The following KDM6B variants were observed in gnomAD, a reference collection of about 807,000 sequenced individuals.
KDM6B encodes the protein lysine demethylase 6B, also known as lysine-specific demethylase 6B.
A neutral mutation model predicts 150.4 loss-of-function variants in KDM6B; 22 were observed. The observed-to-expected ratio is 0.15, with a 90% CI of 0.10 to 0.21. The LOEUF (loss-of-function observed/expected upper bound fraction) is 0.21. KDM6B is among the 10% of genes least tolerant of loss of function. The pLI, the probability that KDM6B is intolerant of heterozygous loss-of-function variation, is 1.00. For missense variants in KDM6B, 1,984 were observed against 2,234.3 expected (o/e 0.89, Z 2.26); for synonymous variants, 1,148 against 921.1 (o/e 1.25, Z -4.46).
chr17:7,849,961 T>A lies in KDM6B; in HGVS notation c.3567+14T>A. 1 of 1,613,628 alleles carries A rather than the reference T, an allele frequency of 6.2e-7. No individual in the cohort carries two copies. Among genetic ancestry groups the A allele is most frequent in the East Asian group, 2.2e-5 (1 of 44,878 alleles). On this transcript the variant is annotated intron_variant, in intron 13 of 23. Transcript: ENST00000448097. ...CCCAGCATCTATGTATGTGTGCCAC[T>A]TGGCCTCAGAACCACCCCTGCCAGA...
In KDM6B at chr17:7,848,397, C is replaced by T. The variant is rs150025430; in HGVS notation, c.2109C>T (p.Asp703=). 163 of 1,613,030 alleles carry T rather than the reference C, an allele frequency of 1.0e-4. 2 individuals carry two copies. In the African/African-American group the frequency reaches 1.5e-3, roughly 15 times the overall value. ...TGGCCAACATCATGAAGATGCTGGA[C>T]GAATCCATTCGCAAGGAAGAGGAAC... The part of the protein sequence containing the change: ...DGLANIMKML[D]ESIRKEEEQQ... The change falls in exon 12 of 24, where the codon GAC becomes GAT. Residue 703 remains aspartate, a synonymous_variant. Coordinates refer to ENST00000448097, the MANE Select transcript of KDM6B (RefSeq NM_001348716.2).
rs996663259 is a variant in KDM6B, at chr17:7,849,151, C to G, written c.2863C>G (p.Pro955Ala). 2.5e-6 allele frequency: 4 copies of G among 1,611,662 alleles called. No homozygotes were observed. Among genetic ancestry groups the G allele is most frequent in the Admixed American group, 1.7e-5 (1 of 59,928 alleles). ...CAGTGGGACTGAGCGACTGCTGCCCCCCGCACAGGCCAAGGAGGAGGCTGG... is the reference window on the plus strand; with the variant it reads ...CAGTGGGACTGAGCGACTGCTGCCCGCCGCACAGGCCAAGGAGGAGGCTGG... ...ADSGTERLLPPAQAKEEAGGV... is the reference protein window; with the variant it reads ...ADSGTERLLPAAQAKEEAGGV... The change falls in exon 12 of 24, where the codon CCC becomes GCC. Residue 955 changes from proline to alanine, a missense_variant. Pro to Ala is a conservative substitution (Grantham distance 27). Transcript: ENST00000448097.
At chr17:7,837,405 C>A (rs1369786062) in intron 1 of KDM6B, among the ~76,000 whole-genome samples, 1 of 152,130 alleles carries the variant, frequency 6.6e-6, no homozygotes, top group African/African-American at 2.4e-5. Context: ...AAGTCAGGGT[C>A]TTTATTGTGT....
Position 7,847,584 on chromosome 17 carries a change from C to G in KDM6B, c.1296C>G (p.Val432=), listed in dbSNP as rs767245338. 3.1e-6 allele frequency: 5 copies of G among 1,612,970 alleles called. No homozygotes were observed. The highest frequency in any genetic ancestry group is 2.7e-5 in the African/African-American group (2 of 74,928). The change falls in exon 12 of 24, where the codon GTC becomes GTG. Residue 432 remains valine, a synonymous_variant. Transcript: ENST00000448097. ...ATTACCAAACTCCCGCGCTGGAGGT[C>G]TCTCACCATGGCCGCCTGGGGCCCT... The part of the protein sequence containing the change: ...ADHYQTPALE[V]SHHGRLGPSA...
Position 7,843,338 on chromosome 17 carries a change from G to T in KDM6B, c.-268-1563G>T, listed in dbSNP as rs1016819148. ...ACAGTTCAGCGCCGTACCTGGCTTG[G>T]TTACTGATGGAAAGGATGCTGCCTC... On this transcript the variant is annotated intron_variant, in intron 2 of 23. Coordinates refer to ENST00000448097, the MANE Select transcript of KDM6B (RefSeq NM_001348716.2). The surrounding 1 kb of genome is among the most constrained non-coding windows in gnomAD (Gnocchi z 4.5). 1.3e-5 allele frequency among the ~76,000 whole-genome samples: 2 copies of T among 152,184 alleles called. No homozygotes were observed. Among genetic ancestry groups the T allele is most frequent in the African/African-American group, 4.8e-5 (2 of 41,436 alleles).
At chr17:7,846,371 G>GGGCCGGGCCCGGGGGCCCCCCCCCCCC in intron 7 of KDM6B, 29 bp from the exon 8 acceptor site, 1 of 1,488,920 alleles carries the variant, frequency 6.7e-7, no homozygotes, top group Non-Finnish European at 9.2e-7. Flanking sequence ...CCTGACATCT[G>GGGCCGGGCCCGGGGGCCCCCCCCCCCC]CCCCTGCCCC....
Position 7,849,806 on chromosome 17 carries a change from A to G in KDM6B, c.3441-15A>G. ...ACCCTGATGTTTCTGTCTTCATTCC[A>G]CTGTCCTCCCGCAGGAATGCCAAGG... On this transcript the variant is annotated splice_polypyrimidine_tract_variant and intron_variant, in intron 12 of 23. Coordinates refer to ENST00000448097, the MANE Select transcript of KDM6B (RefSeq NM_001348716.2). 1 of 1,612,626 alleles carries G rather than the reference A, an allele frequency of 6.2e-7. No individual in the cohort carries two copies. Among genetic ancestry groups the G allele is most frequent in the Non-Finnish European group, 8.5e-7 (1 of 1,179,938 alleles).
chr17:7,836,354 C>T (rs964978413), intron 1 of KDM6B, among the ~76,000 whole-genome samples: 1 of 152,220 alleles, frequency 6.6e-6, no homozygotes, highest in Non-Finnish European at 1.5e-5. Flanking sequence ...CTTCGCTTCT[C>T]CCGGTTATAT....
intron 1 of KDM6B, among the ~76,000 whole-genome samples, chr17:7,836,666 C>A (rs1191337234): frequency 1.3e-5 from 2 of 152,222 alleles, no homozygotes; most frequent in East Asian, 3.8e-4. Context: ...GAGGAGGAGA[C>A]AGGCAAGAGG....
chr17:7,846,460 C>G lies in KDM6B; in HGVS notation c.517C>G (p.Leu173Val), dbSNP rs1315262230. ...CQHRAKVLPPLEQVWNLLHLE... is the reference protein window; with the variant it reads ...CQHRAKVLPPVEQVWNLLHLE... ...GCACCGAGCCAAGGTCCTGCCCCCA[C>G]TGGAGCAAGTGTGGAACTTGCTACA... The change falls in exon 8 of 24, where the codon CTG becomes GTG. Residue 173 changes from leucine to valine, a missense_variant. By Grantham distance (32) the Leu-to-Val change is conservative (BLOSUM62 1). Coordinates refer to ENST00000448097, the MANE Select transcript of KDM6B (RefSeq NM_001348716.2). 1.2e-6 allele frequency: 2 copies of G among 1,613,810 alleles called. No individual in the cohort carries two copies. Among genetic ancestry groups the G allele is most frequent in the African/African-American group, 2.7e-5 (2 of 74,830 alleles).
Position 7,846,167 on chromosome 17 carries a change from T to A in KDM6B, c.326T>A (p.Leu109His), listed in dbSNP as rs1387286273. 1.3e-5 allele frequency: 21 copies of A among 1,613,796 alleles called. No individual in the cohort carries two copies. The highest frequency in any genetic ancestry group is 1.7e-5 in the Non-Finnish European group (20 of 1,179,956). The stretch of plus-strand genomic sequence containing the variant: ...CTCCGGGAGCCAGCCCAGCCAGGGC[T>A]TTGGGAACAGCTTGGGCAACTGTAC... Reference protein sequence around the residue: ...ALLREPAQPGLWEQLGQLYES... With the variant: ...ALLREPAQPGHWEQLGQLYES... Residue 109 changes from leucine to histidine, a missense_variant, in exon 7 of 24, where the codon CTT becomes CAT. Physicochemically the swap from Leu to His is moderately conservative, Grantham distance 99. Coordinates refer to ENST00000448097, the MANE Select transcript of KDM6B (RefSeq NM_001348716.2).
chr17:7,850,465 T>G (rs2078668842), intron 14 of KDM6B, among the ~76,000 whole-genome samples: 1 of 152,114 alleles, frequency 6.6e-6, no homozygotes, highest in African/African-American at 2.4e-5. Flanking sequence ...ATGTTGGGGC[T>G]CTCTCTCAGT....
intron 2 of KDM6B, among the ~76,000 whole-genome samples, chr17:7,841,923 C>G (rs1428189661): frequency 4.6e-5 from 7 of 152,216 alleles, no homozygotes; most frequent in African/African-American, 1.2e-4. Flanking sequence ...AAGAAGCGAG[C>G]GTGTAACCCC....
intron 21 of KDM6B, 50 bp downstream of exon 21, chr17:7,852,686 T>G: frequency 6.2e-7 from 1 of 1,611,230 alleles, no homozygotes; most frequent in Non-Finnish European, 8.5e-7. Flanking sequence ...TGGTCCCTTT[T>G]CTTGTTCTTC....
chr17:7,850,267 T>C, intron 14 of KDM6B, 90 bp downstream of exon 14: 3 of 1,075,408 alleles, frequency 2.8e-6, no homozygotes, highest in Non-Finnish European at 4.1e-6. Context: ...TGAAGACTCA[T>C]GACAGTGGCC....
At chr17:7,845,478 A>AGCTG in intron 4 of KDM6B, 22 bp downstream of exon 4, 2 of 1,589,672 alleles carry the variant, frequency 1.3e-6, no homozygotes, top group South Asian at 2.2e-5. Flanking sequence ...TCTGGGGCCG[A>AGCTG]GCTGGCTGGA....
rs755442446 is a variant in KDM6B at position 7,846,587 on chromosome 17, G to A, written c.558G>A (p.Arg186=). Reference sequence around the variant, plus strand: ...TCTCTTTTTGTTCTCAGCACAAACGGAACTATGGAGCCAAGCGGGGAGGTC... The same window carrying A: ...TCTCTTTTTGTTCTCAGCACAAACGAAACTATGGAGCCAAGCGGGGAGGTC... ...VWNLLHLEHK[R]NYGAKRGGPP... Residue 186 remains arginine (R), a synonymous_variant, in exon 9 of 24, where the codon CGG becomes CGA. Coordinates refer to ENST00000448097, the MANE Select transcript of KDM6B (RefSeq NM_001348716.2). 6.2e-7 allele frequency: 1 copy of A among 1,614,082 alleles called. No homozygotes were observed. The highest frequency in any genetic ancestry group is 8.5e-7 in the Non-Finnish European group (1 of 1,179,992).
Position 7,846,833 on chromosome 17 carries a change from A to G in KDM6B, c.726A>G (p.Pro242=), listed in dbSNP as rs772233986. The G allele has an allele frequency of 3.7e-6, 6 of 1,611,278 alleles. No individual in the cohort carries two copies. Among genetic ancestry groups the G allele is most frequent in the Non-Finnish European group, 5.1e-6 (6 of 1,179,556 alleles). The change falls in exon 10 of 24, where the codon CCA becomes CCG. Residue 242 remains proline (P), a synonymous_variant. Transcript: ENST00000448097. ...GCNSEQTGLP[P]GLPLPPPPLP... ...TTCTCTCCTAGACTGGCCTTCCCCCAGGGCTGCCACTGCCTCCACCACCAT... is the reference window on the plus strand; with the variant it reads ...TTCTCTCCTAGACTGGCCTTCCCCCGGGGCTGCCACTGCCTCCACCACCAT...
chr17:7,853,593 C>G lies in KDM6B; in HGVS notation c.*72C>G. The G allele has an allele frequency of 8.3e-7, 1 of 1,210,252 alleles. No individual in the cohort carries two copies. The highest frequency in any genetic ancestry group is 1.1e-6 in the Non-Finnish European group (1 of 936,556). The allele number at this position is 1,210,252 out of a possible 1,614,324, so 75.0% of individuals were successfully genotyped here. A position where few individuals can be genotyped will look rare whatever the true frequency, so the allele number is the denominator to read the frequency against. On this transcript the variant is annotated 3_prime_UTR_variant, in exon 24 of 24. Transcript: ENST00000448097. ...GCCACCAGCACATGCCTGGGCTGGA[C>G]CTAGGTCCCGCCTGTGGCCGAGAAG...
Sources: gnomAD v4.1 joint callset for allele counts (sites outside exome capture counted in the v4.1 genomes callset) on GRCh38, gnomAD v4.1.1 for gene constraint, Gnocchi (gnomAD v3.1) non-coding constraint, MANE v1.5 for transcripts, NCBI Gene and HGNC (gene_info 2026-07-23, HGNC 2026-07-21) for gene names.